The following PPARGC1A variants were observed in gnomAD, a reference collection of about 807,000 sequenced individuals.
PPARGC1A encodes the protein PPARG coactivator 1 alpha.
PPARGC1A carries 25 observed loss-of-function variants against 88.7 expected under a neutral mutation model. That is an observed-to-expected ratio of 0.28 (90% CI 0.21 to 0.39). PPARGC1A has a LOEUF of 0.39. Among genes scored for constraint, PPARGC1A ranks in the 10% least tolerant of loss-of-function variants. PPARGC1A has a pLI of 1.00. For missense variants in PPARGC1A, 880 were observed against 968.7 expected (o/e 0.91, Z 1.22); for synonymous variants, 363 against 355.6 (o/e 1.02, Z -0.24).
At chr4:24,411,248 T>C in the PPARGC1A span, among the ~76,000 whole-genome samples, 1 of 152,216 alleles carries the variant, frequency 6.6e-6, no homozygotes, top group Non-Finnish European at 1.5e-5. Flanking sequence ...CCTGGGTAAC[T>C]AACATTTGGA....
chr4:24,034,146 G>A, the PPARGC1A span, among the ~76,000 whole-genome samples: 1 of 152,196 alleles, frequency 6.6e-6, no homozygotes, highest in African/African-American at 2.4e-5. Context: ...GAGTAGCTCA[G>A]AAGTCAGTCC....
At chr4:24,328,589 T>C in the PPARGC1A span, among the ~76,000 whole-genome samples, 1 of 152,166 alleles carries the variant, frequency 6.6e-6, no homozygotes, top group Non-Finnish European at 1.5e-5. Flanking sequence ...GTTAAAGGGG[T>C]TTACCTAACT....
the PPARGC1A span, among the ~76,000 whole-genome samples, chr4:23,940,345 G>A: frequency 6.6e-6 from 1 of 152,170 alleles, no homozygotes; most frequent in African/African-American, 2.4e-5. Context: ...AGAGAAAACA[G>A]TGCCAACTCC....
chr4:23,900,239 A>G (rs1267435556), upstream of PPARGC1A, among the ~76,000 whole-genome samples: 2 of 152,206 alleles, frequency 1.3e-5, no homozygotes, highest in African/African-American at 4.8e-5. Context: ...GAAGTGAAGG[A>G]ATATTACAAC....
chr4:23,827,983 T>A (rs1005015130), intron 5 of PPARGC1A, among the ~76,000 whole-genome samples: 5 of 152,160 alleles, frequency 3.3e-5, no homozygotes, highest in East Asian at 1.9e-4. Context: ...CACTATTTAC[T>A]ACTTCTTAAG....
At chr4:24,233,765 T>A in the PPARGC1A span, among the ~76,000 whole-genome samples, 1 of 151,744 alleles carries the variant, frequency 6.6e-6, no homozygotes, top group Non-Finnish European at 1.5e-5. Context: ...AAAAAAAAAA[T>A]TAATAGTCTA....
chr4:24,379,473 C>T, the PPARGC1A span, among the ~76,000 whole-genome samples: 1 of 151,848 alleles, frequency 6.6e-6, no homozygotes, highest in Non-Finnish European at 1.5e-5. Flanking sequence ...GATAAACAGG[C>T]AAATAAGTCA....
chr4:24,150,828 C>T, the PPARGC1A span, among the ~76,000 whole-genome samples: 18 of 152,160 alleles, frequency 1.2e-4, no homozygotes, highest in Admixed American at 6.5e-5. Context: ...AATCCATTCT[C>T]TTGTGCATTA....
At chr4:23,831,776 G>C in intron 2 of PPARGC1A, 25 bp from the exon 3 acceptor site, 3 of 1,572,814 alleles carry the variant, frequency 1.9e-6, no homozygotes, top group Non-Finnish European at 2.6e-6. Context: ...AAAAACAGAA[G>C]ATGTGAGTTG....
the PPARGC1A span, among the ~76,000 whole-genome samples, chr4:23,961,480 T>C: frequency 6.6e-6 from 1 of 152,178 alleles, no homozygotes; most frequent in Admixed American, 6.5e-5. Context: ...CCTGCACATC[T>C]TATCCTTTCT....
the PPARGC1A span, among the ~76,000 whole-genome samples, chr4:23,968,936 AC>A: frequency 2.0e-5 from 3 of 151,998 alleles, no homozygotes; most frequent in Admixed American, 2.0e-4. Context: ...ACAAAACAAA[AC>A]AAAAAAACAA....
intron 11 of PPARGC1A, 82 bp from the exon 12 acceptor site, chr4:23,801,963 T>A: frequency 6.6e-7 from 1 of 1,520,448 alleles, no homozygotes; most frequent in Non-Finnish European, 9.0e-7. Flanking sequence ...TTGTGAGACT[T>A]CTCCAGTGCC....
chr4:24,139,030 T>C, the PPARGC1A span, among the ~76,000 whole-genome samples: 2 of 151,962 alleles, frequency 1.3e-5, no homozygotes, highest in Admixed American at 1.3e-4. Context: ...CTCTGTGGAG[T>C]TCTTCAGTGC....
rs116277368 is a variant in PPARGC1A at position 23,852,304 on chromosome 4, C to T, written c.235-20553G>A. Among the ~76,000 whole-genome samples the T allele has an allele frequency of 4.5e-3, 678 of 152,220 alleles. 3 individuals carry two copies. The highest frequency in any genetic ancestry group is 7.0e-3 in the Non-Finnish European group (477 of 68,010). Reference sequence around the variant, plus strand: ...GATTACTTAACAACAGTTATTGAACCGCAAATTGTATCTGAAATTTCTGCT... The same window carrying T: ...GATTACTTAACAACAGTTATTGAACTGCAAATTGTATCTGAAATTTCTGCT... On this transcript the variant is annotated intron_variant, in intron 2 of 12. Coordinates refer to ENST00000264867, the MANE Select transcript of PPARGC1A (RefSeq NM_013261.5).
chr4:23,807,732 C>A (rs190870940), intron 10 of PPARGC1A, among the ~76,000 whole-genome samples: 25 of 150,588 alleles, frequency 1.7e-4, no homozygotes, highest in Admixed American at 1.1e-3. Context: ...GTGTTTTTTT[C>A]TTTTGTGTGT....
In PPARGC1A at chr4:23,795,781, G is replaced by T; in HGVS notation, c.*41C>A. On this transcript the variant is annotated 3_prime_UTR_variant, in exon 13 of 13. Transcript: ENST00000264867. The stretch of plus-strand genomic sequence containing the variant: ...TAGGGAAGGACGCGCTGTCCCATGA[G>T]GTATTCGCCATCCCTCTGTCATCCT... The T allele has an allele frequency of 6.8e-7, 1 of 1,481,106 alleles. No individual in the cohort carries two copies. 91.7% of individuals were successfully genotyped at this position (1,481,106 alleles called of 1,614,324 possible). A position where few individuals can be genotyped will look rare whatever the true frequency, so the allele number is the denominator to read the frequency against.
the PPARGC1A span, among the ~76,000 whole-genome samples, chr4:24,386,064 C>A: frequency 6.6e-6 from 1 of 152,118 alleles, no homozygotes; most frequent in Non-Finnish European, 1.5e-5. Flanking sequence ...CAGCTTCATC[C>A]CTGGGATGCA....
the PPARGC1A span, among the ~76,000 whole-genome samples, chr4:23,932,862 C>T: frequency 2.6e-5 from 4 of 152,110 alleles, no homozygotes. Flanking sequence ...GCAATTTGCT[C>T]AGAAGAGGAG....
At chr4:23,889,326 G>A (rs1046004489) in intron 1 of PPARGC1A, 12 of 985,230 alleles carry the variant, frequency 1.2e-5, no homozygotes, top group African/African-American at 5.2e-5. Flanking sequence ...TTTCAACCAC[G>A]TATAGGAGTT....
Sources: allele counts gnomAD v4.1 joint callset (sites outside exome capture counted in the v4.1 genomes callset), GRCh38; gene constraint gnomAD v4.1.1; transcripts MANE v1.5; gene names NCBI Gene and HGNC (gene_info 2026-07-23, HGNC 2026-07-21).